Variants in NBAS observed in about 807,000 individuals in gnomAD.
NBAS encodes NAG/BC035112 fusion.
Under a neutral mutation model 302.5 loss-of-function variants are expected in NBAS, and 219 were observed. The observed-to-expected ratio is 0.72, with a 90% CI of 0.65 to 0.81. The LOEUF (loss-of-function observed/expected upper bound fraction) is 0.81. Among genes scored for constraint, NBAS ranks in the 30% least tolerant of loss-of-function variants. The pLI is 0.00. For missense variants in NBAS, 2,932 were observed against 2,841.6 expected (o/e 1.03, Z -0.72); for synonymous variants, 1,118 against 1,021.6 (o/e 1.09, Z -1.80).
chr2:15,352,502 AG>A (rs1022336917), intron 34 of NBAS, among the ~76,000 whole-genome samples: 1 of 152,120 alleles, frequency 6.6e-6, no homozygotes, highest in African/African-American at 2.4e-5. Flanking sequence ...GGCCCAAGGG[AG>A]GGATTTGAAG....
the NBAS span, among the ~76,000 whole-genome samples, chr2:15,059,976 CAA>C: frequency 1.6e-5 from 1 of 64,168 alleles, no homozygotes. Context: ...AAAAAAAAAA[CAA>C]AAAAAAAAAC....
At chr2:14,970,615 T>C in the NBAS span, among the ~76,000 whole-genome samples, 1 of 152,218 alleles carries the variant, frequency 6.6e-6, no homozygotes, top group Admixed American at 6.5e-5. Context: ...TTCGGTCTCT[T>C]GGATCTGCAT....
At chr2:15,070,812 T>A in the NBAS span, among the ~76,000 whole-genome samples, 1 of 148,210 alleles carries the variant, frequency 6.7e-6, no homozygotes, top group African/African-American at 2.4e-5. Context: ...AAGACCAAAA[T>A]GTAAAACATA....
chr2:15,427,601 T>C (rs896871214), intron 22 of NBAS, 110 bp downstream of exon 22: 9 of 887,864 alleles, frequency 1.0e-5, no homozygotes, highest in Non-Finnish European at 1.4e-5. Context: ...CTTTCTAAAT[T>C]AGGGAGTGTC....
At chr2:14,945,892 C>G in the NBAS span, among the ~76,000 whole-genome samples, 1 of 152,126 alleles carries the variant, frequency 6.6e-6, no homozygotes, top group Non-Finnish European at 1.5e-5. Context: ...ACCAGCCTGG[C>G]CAACACAGTG....
At chr2:14,783,457 C>T in the NBAS span, among the ~76,000 whole-genome samples, 1 of 138,710 alleles carries the variant, frequency 7.2e-6, no homozygotes, top group Non-Finnish European at 1.6e-5. Flanking sequence ...TCTCCTAATG[C>T]TATCCCTCCC....
chr2:15,123,037 C>T, the NBAS span, among the ~76,000 whole-genome samples: 1 of 152,204 alleles, frequency 6.6e-6, no homozygotes, highest in African/African-American at 2.4e-5. Context: ...CAGTACATGG[C>T]AGAGCTGATG....
At chr2:15,229,367 A>C (rs1330843641) in intron 47 of NBAS, among the ~76,000 whole-genome samples, 13 of 150,492 alleles carry the variant, frequency 8.6e-5, no homozygotes, top group African/African-American at 2.7e-4. Context: ...AAAAAAAAAA[A>C]AAAAAAAGAA....
At position 15,538,904 on chromosome 2, in the gene NBAS, C is replaced by A. The variant is rs116204885; in HGVS notation, c.513+319G>T. 4.8e-3 allele frequency among the ~76,000 whole-genome samples: 723 copies of A among 152,180 alleles called. 8 individuals carry two copies. Among genetic ancestry groups the A allele is most frequent in the African/African-American group, 0.016 (671 of 41,512 alleles). On this transcript the variant is annotated intron_variant, in intron 7 of 51. Transcript: ENST00000281513. ...TCTATTTCCTGTAGGGTAACGAATT[C>A]CAACTCCTCTTGAAGTTGTTCCTGT... is the stretch of plus-strand genomic sequence containing the variant.
At chr2:15,094,858 G>A in the NBAS span, among the ~76,000 whole-genome samples, 1 of 152,114 alleles carries the variant, frequency 6.6e-6, no homozygotes, top group African/African-American at 2.4e-5. Flanking sequence ...AAAGCTCCCA[G>A]GCATAGGGAG....
the NBAS span, among the ~76,000 whole-genome samples, chr2:14,806,038 T>C: frequency 2.6e-5 from 4 of 152,234 alleles, no homozygotes; most frequent in Non-Finnish European, 5.9e-5. Context: ...TTTTATTACA[T>C]GCTGGAGATC....
the NBAS span, among the ~76,000 whole-genome samples, chr2:14,994,056 A>T: frequency 1.3e-5 from 2 of 152,224 alleles, no homozygotes; most frequent in Non-Finnish European, 2.9e-5. Context: ...TACCTAGCAC[A>T]CTGAAGGATG....
chr2:14,844,022 C>T, the NBAS span, among the ~76,000 whole-genome samples: 3 of 152,104 alleles, frequency 2.0e-5, no homozygotes, highest in East Asian at 5.8e-4. Flanking sequence ...GGGCTCAGAG[C>T]CAGTGAACTT....
At chr2:15,075,090 A>G in the NBAS span, among the ~76,000 whole-genome samples, 1 of 152,246 alleles carries the variant, frequency 6.6e-6, no homozygotes, top group African/African-American at 2.4e-5. Flanking sequence ...GGACAACCAC[A>G]CAAAATTATT....
chr2:15,137,707 C>T, the NBAS span, among the ~76,000 whole-genome samples: 48,321 of 151,932 alleles, frequency 0.32, 8,067 homozygotes, highest in African/African-American at 0.43. Flanking sequence ...TCATCTTTGC[C>T]CAGGGAAATT....
At chr2:15,451,828 A>G (rs1558352367) in intron 21 of NBAS, among the ~76,000 whole-genome samples, 1 of 152,200 alleles carries the variant, frequency 6.6e-6, no homozygotes, top group Non-Finnish European at 1.5e-5. Flanking sequence ...GAAGGGATTC[A>G]GGCAAAAATA....
intron 48 of NBAS, among the ~76,000 whole-genome samples, chr2:15,208,846 G>T (rs1366024137): frequency 6.6e-6 from 1 of 151,656 alleles, no homozygotes; most frequent in Admixed American, 6.6e-5. Context: ...CATCAAAAAA[G>T]GAAAAGAAAA....
the NBAS span, among the ~76,000 whole-genome samples, chr2:14,800,365 A>G: frequency 6.6e-6 from 1 of 152,200 alleles, no homozygotes; most frequent in African/African-American, 2.4e-5. Context: ...GCCTGCTGCC[A>G]TCCACTCAAG....
intron 44 of NBAS, among the ~76,000 whole-genome samples, chr2:15,270,120 C>A (rs919277583): frequency 1.3e-5 from 2 of 152,144 alleles, no homozygotes; most frequent in Non-Finnish European, 2.9e-5. Context: ...ATATGCTATT[C>A]ATGTCAACCT....
Sources: gnomAD v4.1 joint callset for allele counts (sites outside exome capture counted in the v4.1 genomes callset) on GRCh38, gnomAD v4.1.1 for gene constraint, MANE v1.5 for transcripts, NCBI Gene and HGNC (gene_info 2026-07-23, HGNC 2026-07-21) for gene names.